The following LRRC43 variants were observed in gnomAD, a reference collection of about 807,000 sequenced individuals.
The protein encoded by LRRC43 is leucine rich repeat containing 43, also known as leucine-rich repeat-containing protein 43.
In LRRC43, 62 loss-of-function variants were observed where a neutral mutation model predicts 64.3. The ratio of observed to expected loss-of-function variants is 0.96; its 90% CI spans 0.79 to 1.19. The LOEUF is 1.19. LRRC43 is among the 50% of genes most tolerant of loss of function. The probability of loss-of-function intolerance (pLI) is 0.00; values close to 1 mark genes in which losing one functional copy is unlikely to be tolerated. For missense variants in LRRC43, 868 were observed against 845.0 expected (o/e 1.03, Z -0.34); for synonymous variants, 422 against 382.3 (o/e 1.10, Z -1.21).
Position 122,200,615 on chromosome 12 carries a change from G to GGGGGAGA in LRRC43, c.1575_1576insGGGGAGA (p.Lys526GlyfsTer74). On this transcript the variant is annotated frameshift_variant, in exon 9 of 12. Transcript: ENST00000339777. LOFTEE classifies it high-confidence loss of function. The surrounding 1 kb of genome is among the most constrained non-coding windows in gnomAD (Gnocchi z 4.6). ...GAAAGGGGGAGAAAGACAAGAAAGG[G>GGGGGAGA]AAGGAGAAAGACAGGACGGGGAAAG... 6.2e-7 allele frequency: 1 copy of GGGGGAGA among 1,614,052 alleles called. No individual in the cohort carries two copies. The highest frequency in any genetic ancestry group is 8.5e-7 in the Non-Finnish European group (1 of 1,180,044).
At chr12:122,201,033 GGGA>G in intron 10 of LRRC43, 99 bp downstream of exon 10, 1 of 1,406,788 alleles carries the variant, frequency 7.1e-7, no homozygotes, top group Non-Finnish European at 9.6e-7. Flanking sequence ...TCACGGGATG[GGGA>G]GGAGGTGGTG....
upstream of LRRC43, among the ~76,000 whole-genome samples, chr12:122,180,421 A>G (rs1476397474): frequency 6.6e-6 from 1 of 152,148 alleles, no homozygotes; most frequent in African/African-American, 2.4e-5. Flanking sequence ...CAGAAGGCTG[A>G]GGCAGGAGAA....
chr12:122,188,448 T>A (rs1453336058), intron 4 of LRRC43, among the ~76,000 whole-genome samples: 1 of 151,332 alleles, frequency 6.6e-6, no homozygotes, highest in African/African-American at 2.4e-5. Context: ...TTTTTTATTT[T>A]AATTTTTTTT....
At chr12:122,183,972 C>T (rs1316799894) in intron 1 of LRRC43, among the ~76,000 whole-genome samples, 1 of 152,136 alleles carries the variant, frequency 6.6e-6, no homozygotes, top group Non-Finnish European at 1.5e-5. Context: ...AACTCCTGAC[C>T]TCAAGTGATC....
chr12:122,187,427 C>G, intron 3 of LRRC43: 2 of 376,978 alleles, frequency 5.3e-6, no homozygotes, highest in Non-Finnish European at 9.7e-6. Context: ...GAGAAGGTGC[C>G]AGATGTTATG....
At chr12:122,170,851 G>A (rs1454282727) in intron 1 of LRRC43, among the ~76,000 whole-genome samples, 1 of 151,832 alleles carries the variant, frequency 6.6e-6, no homozygotes, top group Non-Finnish European at 1.5e-5. Context: ...CAAACTTGAG[G>A]GTGTATTAGA....
intron 10 of LRRC43, 78 bp downstream of exon 10, chr12:122,201,012 G>A (rs930513201): frequency 5.4e-6 from 8 of 1,483,848 alleles, no homozygotes; most frequent in Middle Eastern, 2.0e-4. Flanking sequence ...AGCAAGGGCT[G>A]TGGGCCCAGG....
intron 7 of LRRC43, among the ~76,000 whole-genome samples, chr12:122,196,603 G>A (rs924331637): frequency 1.3e-5 from 2 of 151,732 alleles, no homozygotes; most frequent in African/African-American, 4.8e-5. Flanking sequence ...CCCTGTATCT[G>A]CTAAAAATAT....
At chr12:122,188,959 C>A (rs955756927) in intron 4 of LRRC43, among the ~76,000 whole-genome samples, 6 of 148,906 alleles carry the variant, frequency 4.0e-5, no homozygotes, top group South Asian at 2.1e-4. Flanking sequence ...GCAGCAAAAT[C>A]CCCCCAAGCT....
In LRRC43 at chr12:122,200,145, C is replaced by T. The variant is rs758849299; in HGVS notation, c.1350-44C>T. ...TCCTGTCCCGGGTCCCTGGCCACAG[C>T]CCCTGGGTGACGGCACCCCCGTCTT... On this transcript the variant is annotated intron_variant, in intron 7 of 11. Transcript: ENST00000339777. This position sits in a 1 kb window ranked among gnomAD's most constrained non-coding sequence, Gnocchi z 4.6. 11 of 1,600,000 alleles carry T rather than the reference C, an allele frequency of 6.9e-6. No individual in the cohort carries two copies. In the East Asian group the frequency reaches 2.0e-4, roughly 29 times the overall value.
chr12:122,173,034 T>C (rs529001836), intron 1 of LRRC43, among the ~76,000 whole-genome samples: 4 of 152,264 alleles, frequency 2.6e-5, no homozygotes, highest in African/African-American at 9.6e-5. Flanking sequence ...GCAGCACATC[T>C]GGCCTTCCAT....
At chr12:122,183,032 A>C (rs375352723), upstream of LRRC43, 46 of 1,419,182 alleles carry the variant, frequency 3.2e-5, 2 homozygotes, top group East Asian at 3.2e-4. Flanking sequence ...GGTTGGGGCC[A>C]GGCTGTCTGA....
At chr12:122,177,476 A>AGTGTGTGTGTGTGTGT (rs67103998) in intron 1 of LRRC43, among the ~76,000 whole-genome samples, 25 of 143,586 alleles carry the variant, frequency 1.7e-4, no homozygotes, top group East Asian at 8.2e-4. Flanking sequence ...TGAGAGAGAA[A>AGTGTGTGTGTGTGTGT]GTGTGTGTGT....
At chr12:122,188,188 G>A (rs1319213163) in intron 4 of LRRC43, among the ~76,000 whole-genome samples, 1 of 152,038 alleles carries the variant, frequency 6.6e-6, no homozygotes. Flanking sequence ...CTCATTGCAA[G>A]CTCCGCCTGC....
intron 4 of LRRC43, chr12:122,189,443 T>G (rs1479922458): frequency 1.8e-5 from 8 of 456,724 alleles, no homozygotes; most frequent in South Asian, 1.1e-4. Context: ...GGAGATGCTG[T>G]GCTGACAGCG....
intron 2 of LRRC43, among the ~76,000 whole-genome samples, chr12:122,185,860 T>C (rs1181067555): frequency 6.6e-6 from 1 of 152,186 alleles, no homozygotes; most frequent in Non-Finnish European, 1.5e-5. Context: ...CTTGACTGAC[T>C]TCAGTGCCCA....
intron 1 of LRRC43, chr12:122,174,237 C>T: frequency 6.3e-7 from 1 of 1,599,814 alleles, no homozygotes; most frequent in Admixed American, 1.7e-5. Flanking sequence ...GCCATGGCTG[C>T]CTGGAGGTAT....
At chr12:122,180,417 G>C (rs1953572344), upstream of LRRC43, among the ~76,000 whole-genome samples, 1 of 152,142 alleles carries the variant, frequency 6.6e-6, no homozygotes, top group Admixed American at 6.5e-5. Context: ...TACTCAGAAG[G>C]CTGAGGCAGG....
chr12:122,191,075 G>A lies in LRRC43; in HGVS notation c.902-305G>A, dbSNP rs182215590. 3.6e-3 allele frequency among the ~76,000 whole-genome samples: 551 copies of A among 152,288 alleles called. 4 individuals are homozygous for A. The highest frequency in any genetic ancestry group is 5.1e-3 in the Non-Finnish European group (345 of 68,024). ...AGATCACCCCCTTGTGGTTCATGCC[G>A]CAAGGTGCACCGGAGGCTTCTCCAG... On this transcript the variant is annotated intron_variant, in intron 5 of 11. Coordinates refer to ENST00000339777, the MANE Select transcript of LRRC43 (RefSeq NM_001098519.2).
Sources: allele counts gnomAD v4.1 joint callset (sites outside exome capture counted in the v4.1 genomes callset), GRCh38; gene constraint gnomAD v4.1.1; non-coding constraint Gnocchi (gnomAD v3.1); transcripts MANE v1.5; gene names NCBI Gene and HGNC (gene_info 2026-07-23, HGNC 2026-07-21).